MLLT3: variants seen among roughly 807,000 people sequenced by gnomAD.
MLLT3 encodes the protein MLLT3 super elongation complex subunit.
In MLLT3, 4 loss-of-function variants were observed where a neutral mutation model predicts 53.2. That is an observed-to-expected ratio of 0.08 (90% CI 0.04 to 0.17). MLLT3 has a LOEUF of 0.17. Among genes scored for constraint, MLLT3 ranks in the 10% least tolerant of loss-of-function variants. The pLI is 1.00. For synonymous variants in MLLT3, 283 were observed against 230.6 expected (o/e 1.23, Z -2.06); for missense variants, 569 against 684.0 (o/e 0.83, Z 1.87).
At chr9:20,587,374 G>A (rs1011613710) in intron 2 of MLLT3, among the ~76,000 whole-genome samples, 2 of 151,972 alleles carry the variant, frequency 1.3e-5, no homozygotes, top group African/African-American at 4.8e-5. Flanking sequence ...TTACAGATAA[G>A]AAAGCAGACA....
chr9:20,488,102 C>A (rs1269327146), intron 2 of MLLT3, among the ~76,000 whole-genome samples: 4 of 151,906 alleles, frequency 2.6e-5, no homozygotes, highest in African/African-American at 9.7e-5. Flanking sequence ...CCAAATCTTC[C>A]TTGAAGGATA....
chr9:20,585,508 A>C (rs1819931786), intron 2 of MLLT3, among the ~76,000 whole-genome samples: 1 of 152,230 alleles, frequency 6.6e-6, no homozygotes, highest in Admixed American at 6.5e-5. Flanking sequence ...ACCATCTTCA[A>C]AAGTGGCTGT....
chr9:20,594,619 G>A (rs1053556063), intron 2 of MLLT3, among the ~76,000 whole-genome samples: 1 of 152,064 alleles, frequency 6.6e-6, no homozygotes, highest in Non-Finnish European at 1.5e-5. Context: ...CAAAAGGTTG[G>A]CACAAGACAT....
chr9:20,456,621 G>T, intron 3 of MLLT3, 83 bp downstream of exon 3: 1 of 972,074 alleles, frequency 1.0e-6, no homozygotes, highest in Non-Finnish European at 1.6e-6. Context: ...TGACAGAAGT[G>T]CTTATGAGTC....
At chr9:20,609,734 AACTT>A (rs1408978648) in intron 2 of MLLT3, among the ~76,000 whole-genome samples, 1 of 152,108 alleles carries the variant, frequency 6.6e-6, no homozygotes, top group Non-Finnish European at 1.5e-5. Context: ...TTACAAGTGT[AACTT>A]AATCCCTTAT....
intron 2 of MLLT3, among the ~76,000 whole-genome samples, chr9:20,539,941 T>G (rs1818583746): frequency 6.6e-6 from 1 of 152,206 alleles, no homozygotes; most frequent in Non-Finnish European, 1.5e-5. Flanking sequence ...CAAGATACAA[T>G]GGAGGTACAG....
At chr9:20,457,629 C>G (rs942670513) in intron 2 of MLLT3, among the ~76,000 whole-genome samples, 5 of 152,090 alleles carry the variant, frequency 3.3e-5, no homozygotes, top group African/African-American at 1.2e-4. Flanking sequence ...CATAACCTCC[C>G]TCCTTCACCC....
intron 4 of MLLT3, among the ~76,000 whole-genome samples, chr9:20,435,974 A>G (rs768414244): frequency 6.6e-6 from 1 of 152,148 alleles, no homozygotes; most frequent in Non-Finnish European, 1.5e-5. Context: ...GAGAAAAGGT[A>G]GCAAAGTCAG....
chr9:20,599,757 C>A (rs1820370377), intron 2 of MLLT3, among the ~76,000 whole-genome samples: 1 of 152,224 alleles, frequency 6.6e-6, no homozygotes, highest in South Asian at 2.1e-4. Context: ...CAACACAGGA[C>A]AATAGGTATA....
intron 2 of MLLT3, among the ~76,000 whole-genome samples, chr9:20,497,311 C>T (rs533896722): frequency 2.0e-5 from 3 of 152,130 alleles, no homozygotes; most frequent in African/African-American, 4.8e-5. Flanking sequence ...TTAAAAATCA[C>T]ATATTTAAAG....
intron 5 of MLLT3, among the ~76,000 whole-genome samples, chr9:20,383,398 T>G (rs927690673): frequency 2.6e-5 from 4 of 151,878 alleles, no homozygotes; most frequent in Non-Finnish European, 5.9e-5. Flanking sequence ...CTATAATAAT[T>G]TGGTGCTCAG....
Position 20,345,326 on chromosome 9 carries a change from G to C in MLLT3, c.*1117C>G, listed in dbSNP as rs575619845. 2 of 210,962 alleles carry C rather than the reference G, an allele frequency of 9.5e-6. No homozygotes were observed. Among genetic ancestry groups the C allele is most frequent in the Non-Finnish European group, 9.6e-6 (1 of 104,140 alleles). 13.1% of individuals were successfully genotyped at this position (210,962 alleles called of 1,614,324 possible). ...GATTTTAATTTTTTCAAATATAAAA[G>C]TGTCTAAGAGAATCATATGTGAACA... On this transcript the variant is annotated 3_prime_UTR_variant, in exon 11 of 11. Transcript: ENST00000380338.
At chr9:20,591,677 G>C (rs1413768957) in intron 2 of MLLT3, among the ~76,000 whole-genome samples, 5 of 152,128 alleles carry the variant, frequency 3.3e-5, no homozygotes, top group African/African-American at 7.2e-5. Flanking sequence ...ACCATTTAGG[G>C]AGCATCTTGA....
At chr9:20,615,320 G>A (rs545841893) in intron 2 of MLLT3, among the ~76,000 whole-genome samples, 107 of 116,770 alleles carry the variant, frequency 9.2e-4, no homozygotes, top group Non-Finnish European at 1.3e-3. Context: ...CTGAAATCAC[G>A]CAATTACAAC....
intron 2 of MLLT3, among the ~76,000 whole-genome samples, chr9:20,546,839 G>C (rs1016846592): frequency 6.6e-6 from 1 of 152,254 alleles, no homozygotes; most frequent in Non-Finnish European, 1.5e-5. Flanking sequence ...AGGTTGCCAG[G>C]TGGAGACTGT....
At chr9:20,466,569 T>C (rs895382479) in intron 2 of MLLT3, among the ~76,000 whole-genome samples, 1 of 152,194 alleles carries the variant, frequency 6.6e-6, no homozygotes, top group African/African-American at 2.4e-5. Context: ...CACAGATCTC[T>C]CAGGTTTGTA....
chr9:20,347,159 A>C (rs1820895934), intron 10 of MLLT3, among the ~76,000 whole-genome samples: 1 of 151,728 alleles, frequency 6.6e-6, no homozygotes, highest in South Asian at 2.1e-4. Flanking sequence ...AGGGGGCTCA[A>C]GGGAGCCTTC....
At chr9:20,602,295 T>C (rs1820444735) in intron 2 of MLLT3, among the ~76,000 whole-genome samples, 1 of 152,150 alleles carries the variant, frequency 6.6e-6, no homozygotes, top group Admixed American at 6.6e-5. Context: ...CTTACTGGGA[T>C]GGAATGAAAG....
chr9:20,355,693 G>A (rs1821155944), intron 8 of MLLT3, among the ~76,000 whole-genome samples: 1 of 152,158 alleles, frequency 6.6e-6, no homozygotes, highest in Non-Finnish European at 1.5e-5. Flanking sequence ...TAAATGATGA[G>A]TGCTTACACA....
Sources: allele counts gnomAD v4.1 joint callset (sites outside exome capture counted in the v4.1 genomes callset), GRCh38; gene constraint gnomAD v4.1.1; transcripts MANE v1.5; gene names NCBI Gene and HGNC (gene_info 2026-07-23, HGNC 2026-07-21).